DRC11L: variants seen among roughly 807,000 people sequenced by gnomAD.
DRC11L encodes the protein dynein regulatory complex subunit 11 like.
the DRC11L span, among the ~76,000 whole-genome samples, chr7:151,192,110 G>A: frequency 2.0e-5 from 3 of 152,164 alleles, no homozygotes; most frequent in Admixed American, 2.0e-4. Context: ...CCACCTGCTC[G>A]CGTCCACAGA....
At chr7:151,195,957 C>A in the DRC11L span, 1 of 281,920 alleles carries the variant, frequency 3.5e-6, no homozygotes, top group Admixed American at 5.2e-5. Context: ...CGAAGATCCC[C>A]CGCTGAGGTC....
At chr7:151,194,218 G>A in the DRC11L span, 1 of 398,582 alleles carries the variant, frequency 2.5e-6, no homozygotes, top group Admixed American at 4.4e-5. Flanking sequence ...AGGGCTGCCT[G>A]CCCAGAGCTG....
the DRC11L span, among the ~76,000 whole-genome samples, chr7:151,196,766 C>T: frequency 6.6e-6 from 1 of 152,212 alleles, no homozygotes; most frequent in Non-Finnish European, 1.5e-5. Flanking sequence ...GACCCCAAGG[C>T]CTGTGGCCAC....
chr7:151,203,388 C>T, the DRC11L span: 21 of 399,348 alleles, frequency 5.3e-5, no homozygotes, highest in South Asian at 5.1e-4. Flanking sequence ...GTGTCACCCC[C>T]GTTTACCTTC....
the DRC11L span, chr7:151,203,298 G>A: frequency 4.0e-5 from 16 of 398,604 alleles, no homozygotes; most frequent in Non-Finnish European, 6.6e-5. Flanking sequence ...TACCTAAAGG[G>A]CACTCTGGTA....
At chr7:151,190,945 C>T in the DRC11L span, 64 of 399,806 alleles carry the variant, frequency 1.6e-4, no homozygotes, top group Admixed American at 1.9e-3. Context: ...CCCTGTCCCA[C>T]GCCACTAATC....
chr7:151,202,623 G>C, the DRC11L span, among the ~76,000 whole-genome samples: 1 of 152,076 alleles, frequency 6.6e-6, no homozygotes, highest in Admixed American at 6.5e-5. Context: ...AGGCTGAGGT[G>C]GGTAGATCGC....
chr7:151,203,550 C>A, the DRC11L span: 1 of 398,690 alleles, frequency 2.5e-6, no homozygotes, highest in East Asian at 3.6e-5. Flanking sequence ...GGTCAGGAAT[C>A]AAAAGTCTGA....
the DRC11L span, among the ~76,000 whole-genome samples, chr7:151,203,941 C>T: frequency 6.6e-6 from 1 of 152,190 alleles, no homozygotes; most frequent in Non-Finnish European, 1.5e-5. Flanking sequence ...AGTTACTGAA[C>T]CCTGAGCCGG....
chr7:151,196,204 A>G, the DRC11L span, among the ~76,000 whole-genome samples: 1 of 152,080 alleles, frequency 6.6e-6, no homozygotes, highest in Admixed American at 6.6e-5. Flanking sequence ...TTAGCCCTGG[A>G]AGAAAGTGGG....
the DRC11L span, among the ~76,000 whole-genome samples, chr7:151,198,257 G>A: frequency 6.6e-6 from 1 of 151,822 alleles, no homozygotes; most frequent in Non-Finnish European, 1.5e-5. Flanking sequence ...TGGGTAGAAG[G>A]GTGGGTGGGC....
chr7:151,204,586 T>G, the DRC11L span: 1 of 398,912 alleles, frequency 2.5e-6, no homozygotes, highest in African/African-American at 2.1e-5. Flanking sequence ...AGCTCGTCCT[T>G]GAGCTCCAGC....
the DRC11L span, chr7:151,198,705 G>A: frequency 2.5e-5 from 10 of 398,134 alleles, no homozygotes; most frequent in Non-Finnish European, 4.4e-5. Flanking sequence ...CTAGAAGGCA[G>A]AACCCATGCA....
At chr7:151,201,492 T>C in the DRC11L span, among the ~76,000 whole-genome samples, 7 of 152,246 alleles carry the variant, frequency 4.6e-5, no homozygotes, top group Non-Finnish European at 5.9e-5. This position sits in a 1 kb window ranked among gnomAD's most constrained non-coding sequence, Gnocchi z 4.1. Flanking sequence ...AAGCCAGACA[T>C]TGACACAGTC....
chr7:151,192,199 G>A, the DRC11L span: 7 of 398,400 alleles, frequency 1.8e-5, no homozygotes, highest in South Asian at 1.3e-4. Flanking sequence ...GTGAGGGCTC[G>A]CAGCAGCAAT....
chr7:151,195,121 A>G, the DRC11L span, among the ~76,000 whole-genome samples: 1 of 152,188 alleles, frequency 6.6e-6, no homozygotes. Flanking sequence ...GCAGAGACAG[A>G]GCTGGTTAAG....
At chr7:151,204,439 C>A in the DRC11L span, 25 of 389,224 alleles carry the variant, frequency 6.4e-5, no homozygotes, top group African/African-American at 5.2e-4. Flanking sequence ...GTGGTCAAGG[C>A]CGGTCCCACC....
At chr7:151,193,807 G>T in the DRC11L span, among the ~76,000 whole-genome samples, 2 of 151,962 alleles carry the variant, frequency 1.3e-5, no homozygotes, top group African/African-American at 4.8e-5. Context: ...GATTATGAGT[G>T]GTGGAACTGA....
At chr7:151,203,658 G>A in the DRC11L span, 1 of 393,660 alleles carries the variant, frequency 2.5e-6, no homozygotes, top group East Asian at 3.6e-5. Flanking sequence ...AGGGTAATGG[G>A]GCAGATACCC....
Sources: gnomAD v4.1 joint callset for allele counts (sites outside exome capture counted in the v4.1 genomes callset) on GRCh38, gnomAD v4.1.1 for gene constraint, Gnocchi (gnomAD v3.1) non-coding constraint, MANE v1.5 for transcripts, NCBI Gene and HGNC (gene_info 2026-07-23, HGNC 2026-07-21) for gene names.